GPC6: variants seen among roughly 807,000 people sequenced by gnomAD.
GPC6 encodes glypican-6.
GPC6 carries 14 observed loss-of-function variants against 55.2 expected under a neutral mutation model. The ratio of observed to expected loss-of-function variants is 0.25; its 90% confidence interval spans 0.17 to 0.40. The LOEUF (loss-of-function observed/expected upper bound fraction) is 0.40. GPC6 is among the 10% of genes least tolerant of loss of function. The pLI is 1.00. For missense variants in GPC6, 641 were observed against 708.5 expected (o/e 0.90, Z 1.08); for synonymous variants, 278 against 259.6 (o/e 1.07, Z -0.68).
rs920721461 is a variant in GPC6 at position 93,889,161 on chromosome 13, A to C, written c.711+58616A>C. On this transcript the variant is annotated intron_variant, in intron 3 of 8. Coordinates refer to ENST00000377047, the MANE Select transcript of GPC6 (RefSeq NM_005708.5). The stretch of plus-strand genomic sequence containing the variant: ...TAATAAGGGGAATGGGTTAGCATTG[A>C]TGTGGGTGGCTTATGAAACATTTAT... Among the ~76,000 whole-genome samples, 20 of 152,060 alleles carry C rather than the reference A, an allele frequency of 1.3e-4. 1 individual carries two copies. Among genetic ancestry groups the C allele is most frequent in the Admixed American group, 1.3e-3 (20 of 15,236 alleles).
rs572347069 is a variant in GPC6, at chr13:94,085,160, A to G, written c.877+57266A>G. Among the ~76,000 whole-genome samples the G allele has an allele frequency of 5.9e-5, 9 of 151,864 alleles. No individual in the cohort carries two copies. The East Asian group carries it at 1.8e-3, about 30-fold the overall frequency. On this transcript the variant is annotated intron_variant, in intron 4 of 8. Transcript: ENST00000377047. ...AACGTGGTGAAACCCTGTCTCTACT[A>G]AAAATACAAAAATTAGCCAAGCGTG... is the stretch of plus-strand genomic sequence containing the variant.
intron 3 of GPC6, among the ~76,000 whole-genome samples, chr13:93,835,395 T>C (rs1032339029): frequency 6.6e-6 from 1 of 151,972 alleles, no homozygotes; most frequent in African/African-American, 2.4e-5. Flanking sequence ...GTGGAGGTCG[T>C]AGTGAGCCGA....
chr13:94,384,832 C>G lies in GPC6; in HGVS notation c.1289+2282C>G, dbSNP rs541321703. Among the ~76,000 whole-genome samples the G allele has an allele frequency of 1.4e-4, 21 of 152,276 alleles. No homozygotes were observed. In the South Asian group the frequency reaches 2.7e-3, roughly 20 times the overall value. On this transcript the variant is annotated intron_variant, in intron 7 of 8. Transcript: ENST00000377047. ...AACAACAGCTAAATACTGTCCTCCC[C>G]AAGTTAGGAGAACAAATGAGACAGA...
intron 1 of GPC6, among the ~76,000 whole-genome samples, chr13:93,357,654 C>T (rs1880897262): frequency 2.6e-5 from 4 of 151,706 alleles, no homozygotes; most frequent in African/African-American, 9.7e-5. Flanking sequence ...GCCTGAGCAA[C>T]ATGACAAAGA....
chr13:93,541,391 G>A (rs1289478510), intron 1 of GPC6, among the ~76,000 whole-genome samples: 3 of 114,442 alleles, frequency 2.6e-5, no homozygotes, highest in African/African-American at 1.0e-4. Flanking sequence ...ATTCCATGGT[G>A]TATATGTGCC....
intron 6 of GPC6, among the ~76,000 whole-genome samples, chr13:94,368,420 T>C (rs1879381922): frequency 6.6e-6 from 1 of 152,106 alleles, no homozygotes; most frequent in Non-Finnish European, 1.5e-5. Flanking sequence ...AAACATGTTA[T>C]TAGTACAAGC....
At chr13:93,797,420 AAATG>A (rs989895448) in intron 2 of GPC6, among the ~76,000 whole-genome samples, 56 of 152,320 alleles carry the variant, frequency 3.7e-4, no homozygotes, top group African/African-American at 1.3e-3. Context: ...CAGAAAATGA[AAATG>A]AACATTTCTC....
At chr13:93,328,558 G>A (rs1348213124) in intron 1 of GPC6, among the ~76,000 whole-genome samples, 1 of 151,676 alleles carries the variant, frequency 6.6e-6, no homozygotes, top group Non-Finnish European at 1.5e-5. Context: ...ACCTGTAGTT[G>A]CAGCTACTCA....
intron 4 of GPC6, among the ~76,000 whole-genome samples, chr13:94,061,751 A>G (rs1049353129): frequency 6.6e-6 from 1 of 151,690 alleles, no homozygotes; most frequent in African/African-American, 2.4e-5. Flanking sequence ...GAGAAAGTGT[A>G]TTGTTGATGT....
chr13:93,945,354 G>A (rs1441941145), intron 3 of GPC6, among the ~76,000 whole-genome samples: 1 of 152,182 alleles, frequency 6.6e-6, no homozygotes, highest in Non-Finnish European at 1.5e-5. Context: ...CAGAGCTTGT[G>A]CCTGCAAGGG....
intron 4 of GPC6, among the ~76,000 whole-genome samples, chr13:94,150,712 A>G (rs1217934817): frequency 1.3e-5 from 2 of 151,142 alleles, no homozygotes; most frequent in African/African-American, 4.9e-5. Context: ...ACACTTTGGG[A>G]CCAGCATGGA....
intron 3 of GPC6, among the ~76,000 whole-genome samples, chr13:93,875,681 C>T (rs1306121240): frequency 2.0e-5 from 3 of 152,026 alleles, no homozygotes; most frequent in Non-Finnish European, 4.4e-5. Context: ...AAGCATTTAG[C>T]TTAGTATGTG....
At chr13:93,902,766 T>A (rs1049388312) in intron 3 of GPC6, among the ~76,000 whole-genome samples, 2 of 152,270 alleles carry the variant, frequency 1.3e-5, no homozygotes, top group African/African-American at 4.8e-5. Context: ...GGTTTTCATT[T>A]GCATTTTGCT....
At chr13:94,399,583 G>C (rs1443500934) in intron 8 of GPC6, among the ~76,000 whole-genome samples, 1 of 152,198 alleles carries the variant, frequency 6.6e-6, no homozygotes, top group Non-Finnish European at 1.5e-5. Flanking sequence ...GATGATGCTT[G>C]TGTGCTTGGA....
intron 4 of GPC6, among the ~76,000 whole-genome samples, chr13:94,044,782 G>A (rs1883667144): frequency 2.6e-5 from 4 of 151,902 alleles, no homozygotes; most frequent in Admixed American, 2.0e-4. Flanking sequence ...AATCTCATAA[G>A]ACAAGGTGAT....
chr13:94,135,089 CAA>C (rs1019642151), intron 4 of GPC6, among the ~76,000 whole-genome samples: 12 of 152,256 alleles, frequency 7.9e-5, no homozygotes, highest in Admixed American at 7.2e-4. Flanking sequence ...CCACAGACCT[CAA>C]GTCCCTTTGA....
At chr13:94,202,528 A>C (rs1176210287) in intron 4 of GPC6, among the ~76,000 whole-genome samples, 1 of 152,172 alleles carries the variant, frequency 6.6e-6, no homozygotes, top group East Asian at 1.9e-4. Context: ...CACTACCAAG[A>C]GAACAGTATG....
At chr13:94,313,397 G>A (rs1876359477) in intron 6 of GPC6, among the ~76,000 whole-genome samples, 1 of 152,186 alleles carries the variant, frequency 6.6e-6, no homozygotes, top group Non-Finnish European at 1.5e-5. Flanking sequence ...CACCCAATGG[G>A]CAGTGAACTA....
intron 4 of GPC6, among the ~76,000 whole-genome samples, chr13:94,271,358 ACACACACACGCGCGCGCGCGCGCG>A (rs1036072980): frequency 1.0e-4 from 10 of 100,388 alleles, no homozygotes; most frequent in East Asian, 7.9e-4. Flanking sequence ...TGTTAAATAC[ACACACACACGCGCGCGCGCGCGCG>A]CACACACACA....
Sources: gnomAD v4.1 joint callset for allele counts (sites outside exome capture counted in the v4.1 genomes callset) on GRCh38, gnomAD v4.1.1 for gene constraint, MANE v1.5 for transcripts, NCBI Gene and HGNC (gene_info 2026-07-23, HGNC 2026-07-21) for gene names.